The following DGKI variants were observed in gnomAD, a reference collection of about 807,000 sequenced individuals.
The protein encoded by DGKI is DAG kinase iota.
A neutral mutation model predicts 147.5 loss-of-function variants in DGKI; 55 were observed. The ratio of observed to expected loss-of-function variants is 0.37; its 90% CI spans 0.30 to 0.47. The LOEUF (loss-of-function observed/expected upper bound fraction) is 0.47, where lower values mean the gene tolerates loss of function less well. DGKI is among the 20% of genes least tolerant of loss of function. DGKI has a pLI of 1.00. For synonymous variants in DGKI, 469 were observed against 477.1 expected, an observed-to-expected ratio of 0.98 and a Z score of 0.22; for missense variants, 1,007 against 1,323.8, an observed-to-expected ratio of 0.76 and a Z score of 3.71.
intron 10 of DGKI, among the ~76,000 whole-genome samples, chr7:137,605,595 G>A (rs1212798594): frequency 6.6e-6 from 1 of 152,010 alleles, no homozygotes; most frequent in Non-Finnish European, 1.5e-5. Context: ...AGAAACTGTG[G>A]TATATATACA....
intron 3 of DGKI, among the ~76,000 whole-genome samples, chr7:137,672,747 T>TGA (rs1254315852): frequency 6.9e-6 from 1 of 145,802 alleles, no homozygotes; most frequent in Non-Finnish European, 1.5e-5. Flanking sequence ...TTCTTCTCTG[T>TGA]GTGTGTGTCT....
intron 21 of DGKI, among the ~76,000 whole-genome samples, chr7:137,494,680 T>C (rs905560931): frequency 1.3e-5 from 2 of 152,012 alleles, no homozygotes; most frequent in East Asian, 1.9e-4. Context: ...GAGTGCTAAA[T>C]ATGGAAAGGA....
chr7:137,617,783 T>G (rs1045280853), intron 8 of DGKI, among the ~76,000 whole-genome samples: 7 of 152,010 alleles, frequency 4.6e-5, no homozygotes, highest in Admixed American at 3.9e-4. Flanking sequence ...GAAGAAATTT[T>G]GGAAGGGTGC....
intron 1 of DGKI, among the ~76,000 whole-genome samples, chr7:137,744,108 G>A: frequency 6.6e-6 from 1 of 151,840 alleles, no homozygotes; most frequent in African/African-American, 2.4e-5. Flanking sequence ...ACAGATAATT[G>A]GTTCTTTGAA....
chr7:137,434,186 C>T (rs1266779350), intron 28 of DGKI, among the ~76,000 whole-genome samples: 1 of 151,122 alleles, frequency 6.6e-6, no homozygotes, highest in Non-Finnish European at 1.5e-5. Context: ...CTCCTTTTTT[C>T]CCGTTACTTT....
At chr7:137,455,988 G>A (rs928638423) in intron 27 of DGKI, among the ~76,000 whole-genome samples, 2 of 152,096 alleles carry the variant, frequency 1.3e-5, no homozygotes, top group Non-Finnish European at 2.9e-5. Flanking sequence ...ACCTAAGACA[G>A]ACACACTGAG....
chr7:137,497,072 A>C (rs2128940521), intron 21 of DGKI, among the ~76,000 whole-genome samples: 1 of 152,098 alleles, frequency 6.6e-6, no homozygotes, highest in Admixed American at 6.5e-5. Context: ...ACAAACGTGT[A>C]ATATCCAGCA....
intron 12 of DGKI, among the ~76,000 whole-genome samples, chr7:137,597,325 T>A (rs1316138928): frequency 6.6e-6 from 1 of 152,092 alleles, no homozygotes; most frequent in African/African-American, 2.4e-5. Flanking sequence ...ATTCTATGCA[T>A]ATAACAAAAT....
chr7:137,717,795 G>C (rs1337428394), intron 1 of DGKI, among the ~76,000 whole-genome samples: 3 of 152,136 alleles, frequency 2.0e-5, no homozygotes, highest in African/African-American at 4.8e-5. Context: ...TCTCACAAAG[G>C]CTTCTTACGT....
rs1381052437 is a variant in DGKI at position 137,420,216 on chromosome 7, G to A, written c.2762-8009C>T. Reference sequence around the variant, plus strand: ...GGTTCCAAAAGCAACCATCCCAAGAGAGCCCAGTGATCAACTCACCTCGCC... The same window carrying A: ...GGTTCCAAAAGCAACCATCCCAAGAAAGCCCAGTGATCAACTCACCTCGCC... On this transcript the variant is annotated intron_variant, in intron 28 of 32. Transcript: ENST00000614521. Among the ~76,000 whole-genome samples, 3 of 152,178 alleles carry A rather than the reference G, an allele frequency of 2.0e-5. No homozygotes were observed. The East Asian group carries it at 5.8e-4, about 29-fold the overall frequency.
chr7:137,713,486 C>T (rs1794277992), intron 1 of DGKI, among the ~76,000 whole-genome samples: 1 of 152,166 alleles, frequency 6.6e-6, no homozygotes, highest in African/African-American at 2.4e-5. Flanking sequence ...AAATGAGACA[C>T]ATAATACACA....
At chr7:137,733,401 G>A (rs891994567) in intron 1 of DGKI, among the ~76,000 whole-genome samples, 1 of 152,072 alleles carries the variant, frequency 6.6e-6, no homozygotes, top group Non-Finnish European at 1.5e-5. Context: ...GCTCACTCAT[G>A]TTGTAACATG....
chr7:137,423,714 G>T (rs1307412861), intron 28 of DGKI, among the ~76,000 whole-genome samples: 1 of 152,114 alleles, frequency 6.6e-6, no homozygotes, highest in Non-Finnish European at 1.5e-5. Flanking sequence ...TGGAACAAAA[G>T]TAAAGTCAGG....
chr7:137,699,614 T>G (rs990747824), intron 1 of DGKI, among the ~76,000 whole-genome samples: 4 of 152,198 alleles, frequency 2.6e-5, no homozygotes, highest in African/African-American at 9.7e-5. Flanking sequence ...GGAAAAGCAT[T>G]AGCCTGGGAA....
In DGKI at chr7:137,552,491, G is replaced by A. The variant is rs757792577; in HGVS notation, c.2025C>T (p.Ile675=). ...AGGGCTCCCCATCCACTTGCATGGG[G>A]ATGGATTTGTAAGTTAGAAGCATGA... is the stretch of plus-strand genomic sequence containing the variant. ...REVMLLTYKS[I]PMQVDGEPCR... Residue 675 remains isoleucine (I), a synonymous_variant, in exon 20 of 33, where the codon ATC becomes ATT. Coordinates refer to ENST00000614521, the MANE Select transcript of DGKI (RefSeq NM_001321708.2). 1 of 1,614,116 alleles carries A rather than the reference G, an allele frequency of 6.2e-7. No individual in the cohort carries two copies.
intron 2 of DGKI, among the ~76,000 whole-genome samples, chr7:137,682,379 C>G (rs1823268992): frequency 6.6e-6 from 1 of 152,206 alleles, no homozygotes; most frequent in Non-Finnish European, 1.5e-5. Flanking sequence ...ACTCAGGGCC[C>G]TTCTCACTTT....
chr7:137,701,821 G>A (rs528336955), intron 1 of DGKI, among the ~76,000 whole-genome samples: 4 of 151,912 alleles, frequency 2.6e-5, no homozygotes, highest in Non-Finnish European at 5.9e-5. Context: ...TTTAAAAAAT[G>A]TATATAGCAA....
rs981979450 is a variant in DGKI at position 137,389,515 on chromosome 7, T to C, written c.*1705A>G. ...TTAAATGTAGAGACACTATCATTCA[T>C]GGTCATATGTAGAAACATTAGGGAA... On this transcript the variant is annotated 3_prime_UTR_variant, in exon 33 of 33. Transcript: ENST00000614521. The C allele has an allele frequency of 6.6e-6, 1 of 152,224 alleles. No homozygotes were observed. The highest frequency in any genetic ancestry group is 2.4e-5 in the African/African-American group (1 of 41,450). 9.4% of individuals were successfully genotyped at this position (152,224 alleles called of 1,614,324 possible). A position where few individuals can be genotyped will look rare whatever the true frequency, so the allele number is the denominator to read the frequency against.
At chr7:137,793,734 T>C (rs570459972) in intron 1 of DGKI, among the ~76,000 whole-genome samples, 1 of 152,368 alleles carries the variant, frequency 6.6e-6, no homozygotes, top group African/African-American at 2.4e-5. Context: ...TTAATGTGAT[T>C]CCTACAATAT....
Sources: allele counts gnomAD v4.1 joint callset (sites outside exome capture counted in the v4.1 genomes callset), GRCh38; gene constraint gnomAD v4.1.1; transcripts MANE v1.5; gene names NCBI Gene and HGNC (gene_info 2026-07-23, HGNC 2026-07-21).